MYO18B: variants seen among roughly 807,000 people sequenced by gnomAD.
The protein encoded by MYO18B is unconventional myosin-XVIIIb.
MYO18B carries 204 observed loss-of-function variants against 273.0 expected under a neutral mutation model. The ratio of observed to expected loss-of-function variants is 0.75; its 90% CI spans 0.67 to 0.84. The LOEUF (loss-of-function observed/expected upper bound fraction) is 0.84. MYO18B is among the 40% of genes least tolerant of loss of function. The pLI, the probability that MYO18B is intolerant of heterozygous loss-of-function variation, is 0.00. For synonymous variants in MYO18B, 1,330 were observed against 1,305.7 expected (o/e 1.02, Z -0.40); for missense variants, 3,212 against 3,287.6 (o/e 0.98, Z 0.56).
chr22:25,881,209 T>G (rs1280346151), intron 25 of MYO18B, among the ~76,000 whole-genome samples: 2 of 152,228 alleles, frequency 1.3e-5, no homozygotes, highest in Non-Finnish European at 2.9e-5. Flanking sequence ...CCCTGTAAGA[T>G]TGTGTCCATT....
rs953636165 is a variant in MYO18B at position 25,749,968 on chromosome 22, G to A, written c.-110+7675G>A. 3.3e-5 allele frequency among the ~76,000 whole-genome samples: 5 copies of A among 152,212 alleles called. No individual in the cohort carries two copies. The East Asian group carries it at 5.8e-4, about 18-fold the overall frequency. On this transcript the variant is annotated intron_variant, in intron 1 of 43. Transcript: ENST00000335473. ...GAAACAGCCATGCCCATTCATTTAC[G>A]TACTAAGTATGGCTGCTTGTGAGCC...
intron 39 of MYO18B, among the ~76,000 whole-genome samples, chr22:25,974,109 C>T (rs1287431380): frequency 6.6e-6 from 1 of 152,168 alleles, no homozygotes; most frequent in Admixed American, 6.5e-5. Context: ...TCACTAAACT[C>T]TTTTATGTCT....
chr22:25,901,580 A>G (rs2091935925), intron 29 of MYO18B: 2 of 152,132 alleles, frequency 1.3e-5, no homozygotes, highest in Non-Finnish European at 2.9e-5. Flanking sequence ...GAGGACAAGA[A>G]TGTATAAATG....
chr22:25,877,871 A>G, intron 24 of MYO18B, 88 bp from the exon 25 acceptor site: 1 of 1,016,728 alleles, frequency 9.8e-7, no homozygotes, highest in Non-Finnish European at 1.5e-6. Context: ...CTCCTAACGG[A>G]AACTTTGTGC....
intron 29 of MYO18B, chr22:25,898,805 T>C (rs1030651165): frequency 8.7e-6 from 2 of 230,412 alleles, no homozygotes; most frequent in African/African-American, 4.5e-5. Context: ...GGCATTGATA[T>C]AAAAGTCATC....
At chr22:25,761,340 A>ACC (rs199920864) in intron 2 of MYO18B, among the ~76,000 whole-genome samples, 6 of 98,284 alleles carry the variant, frequency 6.1e-5, no homozygotes, top group African/African-American at 3.4e-4. Flanking sequence ...CATACCCTTG[A>ACC]CGCCCCCCCG....
chr22:25,934,953 T>C lies in MYO18B; in HGVS notation c.5518-11184T>C, dbSNP rs1375429411. Among the ~76,000 whole-genome samples, 5 of 152,192 alleles carry C rather than the reference T, an allele frequency of 3.3e-5. No homozygotes were observed. The East Asian group carries it at 9.6e-4, about 29-fold the overall frequency. On this transcript the variant is annotated intron_variant, in intron 34 of 43. Coordinates refer to ENST00000335473, the MANE Select transcript of MYO18B (RefSeq NM_032608.7). ...GTTTCTGCTAGGATTTGAATTACGC[T>C]GGTGGTTTCCAGGCTCGTGTGGGTG...
downstream of MYO18B, among the ~76,000 whole-genome samples, chr22:26,032,517 G>GTTT (rs869157490): frequency 2.0e-3 from 241 of 117,600 alleles, 3 homozygotes; most frequent in African/African-American, 6.7e-3. Flanking sequence ...TAATCACCCT[G>GTTT]TTTTTTTTTT....
intron 18 of MYO18B, among the ~76,000 whole-genome samples, chr22:25,845,160 C>T (rs1010291370): frequency 3.3e-5 from 5 of 152,176 alleles, no homozygotes; most frequent in Admixed American, 1.3e-4. Context: ...TTAGAGAGCC[C>T]GGTTCGTAGT....
At chr22:25,913,095 C>T (rs561834116) in intron 33 of MYO18B, among the ~76,000 whole-genome samples, 2 of 152,240 alleles carry the variant, frequency 1.3e-5, no homozygotes, top group East Asian at 1.9e-4. Context: ...AGTGTCTCTC[C>T]AGGGTATGTA....
chr22:25,944,071 T>G (rs1343458476), intron 34 of MYO18B, among the ~76,000 whole-genome samples: 1 of 152,068 alleles, frequency 6.6e-6, no homozygotes, highest in Non-Finnish European at 1.5e-5. Context: ...CCTTCATGAG[T>G]CCTCTGACTT....
intron 39 of MYO18B, among the ~76,000 whole-genome samples, chr22:25,968,794 CTG>C (rs1468726559): frequency 6.6e-6 from 1 of 152,150 alleles, no homozygotes; most frequent in East Asian, 1.9e-4. Flanking sequence ...CTTTCTCTCT[CTG>C]TAAAACGGAC....
At chr22:25,871,230 GT>G (rs2091037063) in intron 22 of MYO18B, among the ~76,000 whole-genome samples, 1 of 152,186 alleles carries the variant, frequency 6.6e-6, no homozygotes, top group Admixed American at 6.5e-5. Flanking sequence ...TGAATCTTCA[GT>G]GACTGGTTTA....
chr22:25,786,316 C>T (rs1306068566), intron 11 of MYO18B, among the ~76,000 whole-genome samples: 1 of 152,148 alleles, frequency 6.6e-6, no homozygotes, highest in East Asian at 1.9e-4. Flanking sequence ...GCTGATAGAG[C>T]TACTTGGACT....
At chr22:25,961,363 T>G (rs2146681836) in intron 39 of MYO18B, among the ~76,000 whole-genome samples, 1 of 152,340 alleles carries the variant, frequency 6.6e-6, no homozygotes, top group African/African-American at 2.4e-5. Flanking sequence ...CACCTCTGGT[T>G]GTCTGCCTCT....
At chr22:25,772,266 G>A in intron 6 of MYO18B, 68 bp from the exon 7 acceptor site, 2 of 1,492,240 alleles carry the variant, frequency 1.3e-6, no homozygotes, top group Non-Finnish European at 1.8e-6. Context: ...GGTTGCGGGG[G>A]GGTGGGGTGG....
At chr22:25,963,613 T>C (rs201815797) in intron 39 of MYO18B, among the ~76,000 whole-genome samples, 1 of 150,158 alleles carries the variant, frequency 6.7e-6, no homozygotes, top group Admixed American at 6.7e-5. Flanking sequence ...CCATTCTGAG[T>C]TTTTAGGTGG....
intron 12 of MYO18B, among the ~76,000 whole-genome samples, chr22:25,817,838 T>C (rs1403821622): frequency 1.3e-5 from 2 of 152,228 alleles, no homozygotes; most frequent in Non-Finnish European, 2.9e-5. Context: ...TTCCCAGTGA[T>C]ACTGATGACC....
chr22:25,813,713 C>T (rs1394721183), intron 12 of MYO18B, among the ~76,000 whole-genome samples: 1 of 152,178 alleles, frequency 6.6e-6, no homozygotes, highest in East Asian at 1.9e-4. Flanking sequence ...AAGCATCAGC[C>T]TAAGGGCCCC....
Sources: allele counts gnomAD v4.1 joint callset (sites outside exome capture counted in the v4.1 genomes callset), GRCh38; gene constraint gnomAD v4.1.1; transcripts MANE v1.5; gene names NCBI Gene and HGNC (gene_info 2026-07-23, HGNC 2026-07-21).